TRIM21: variants seen among roughly 807,000 people sequenced by gnomAD.
TRIM21 encodes the protein tripartite motif containing 21.
A neutral mutation model predicts 36.1 loss-of-function variants in TRIM21; 35 were observed. The observed-to-expected ratio is 0.97, with a 90% confidence interval of 0.74 to 1.28. The LOEUF (loss-of-function observed/expected upper bound fraction) is 1.28. Among genes scored for constraint, TRIM21 ranks in the 50% most tolerant of loss-of-function variants. TRIM21 has a pLI of 0.00. For synonymous variants in TRIM21, 256 were observed against 211.5 expected, an observed-to-expected ratio of 1.21 and a Z score of -1.83; for missense variants, 635 against 570.7, an observed-to-expected ratio of 1.11 and a Z score of -1.15.
At chr11:4,387,474 A>C (rs1055330433) in intron 4 of TRIM21, among the ~76,000 whole-genome samples, 8 of 152,248 alleles carry the variant, frequency 5.3e-5, no homozygotes, top group African/African-American at 1.9e-4. Flanking sequence ...TGTGAAACCA[A>C]ATCACTGAGA....
intron 5 of TRIM21, among the ~76,000 whole-genome samples, chr11:4,386,509 T>A (rs2094956471): frequency 2.6e-5 from 4 of 152,224 alleles, no homozygotes; most frequent in Admixed American, 2.6e-4. Context: ...TGAGGTCACC[T>A]GGCAAATGCA....
rs146831060 is a variant in TRIM21, at chr11:4,392,356, C to T, written c.-50+1277G>A. ...CCGAGGTGGGTGGATCACCTTAGGT[C>T]AGGAGTTCAAGACCAGCCTGACCAA... is the stretch of plus-strand genomic sequence containing the variant. On this transcript the variant is annotated intron_variant, in intron 1 of 6. Coordinates refer to ENST00000254436, the MANE Select transcript of TRIM21 (RefSeq NM_003141.4). 2.1e-3 allele frequency among the ~76,000 whole-genome samples: 317 copies of T among 152,236 alleles called. 1 individual carries two copies. The highest frequency in any genetic ancestry group is 7.2e-3 in the African/African-American group (298 of 41,524).
In TRIM21 at chr11:4,388,357, CT is replaced by C. The variant is rs1564810051; in HGVS notation, c.677del (p.Gln226ArgfsTer7). On this transcript the variant is annotated frameshift_variant, in exon 4 of 7. Coordinates refer to ENST00000254436, the MANE Select transcript of TRIM21 (RefSeq NM_003141.4). LOFTEE classifies it high-confidence loss of function. ...AKLAQQSQAL[Q>X]ELISELDRRC... ...TTCGATCTAGCTCTGAGATGAGCTC[CT>C]GTAGGGCCTGGCTCTGCTGGGCCAG... 16 of 1,614,010 alleles carry C rather than the reference CT, an allele frequency of 9.9e-6. No individual in the cohort carries two copies. The highest frequency in any genetic ancestry group is 1.4e-5 in the Non-Finnish European group (16 of 1,179,896).
In TRIM21 at chr11:4,388,573, C is replaced by A. The variant is rs542386261; in HGVS notation, c.505-43G>T. 22 of 1,585,862 alleles carry A rather than the reference C, an allele frequency of 1.4e-5. No homozygotes were observed. The East Asian group carries it at 3.8e-4, about 27-fold the overall frequency. Reference sequence around the variant, plus strand: ...AGGGAGAGGTGGTTTTTATGAAAATCTCCCAAGCTTTGGGAATGGAGGTAT... The same window carrying A: ...AGGGAGAGGTGGTTTTTATGAAAATATCCCAAGCTTTGGGAATGGAGGTAT... On this transcript the variant is annotated intron_variant, in intron 3 of 6. Coordinates refer to ENST00000254436, the MANE Select transcript of TRIM21 (RefSeq NM_003141.4).
In TRIM21 at chr11:4,385,468, A is replaced by C. The variant is rs1383168590; in HGVS notation, c.1245T>G (p.Ala415=). The change falls in exon 7 of 7, where the codon GCT becomes GCG. Residue 415 remains alanine, a synonymous_variant. Transcript: ENST00000254436. ...TGATGTTGTAGAAGGAGACCATGCC[A>C]GCCTCATAGTCCAGGAAAATCCCAA... is the stretch of plus-strand genomic sequence containing the variant. ...CQVGIFLDYE[A]GMVSFYNITD... The C allele has an allele frequency of 6.2e-7, 1 of 1,612,536 alleles. No homozygotes were observed. Among genetic ancestry groups the C allele is most frequent in the South Asian group, 1.1e-5 (1 of 90,708 alleles).
chr11:4,392,730 A>G (rs928915), intron 1 of TRIM21, among the ~76,000 whole-genome samples: 67,940 of 152,014 alleles, frequency 0.45, 15,902 homozygotes, highest in East Asian at 0.58. Flanking sequence ...CCAGTGAGAC[A>G]GAAGGAGAAA....
rs2094966033 is a variant in TRIM21, at chr11:4,393,688, C to G, written c.-105G>C. 2 of 152,436 alleles carry G rather than the reference C, an allele frequency of 1.3e-5. No homozygotes were observed. Among genetic ancestry groups the G allele is most frequent in the South Asian group, 4.1e-4 (2 of 4,834 alleles). 9.4% of individuals were successfully genotyped at this position (152,436 alleles called of 1,614,324 possible). ...CTCCCTATTTCACTTTCAGTTTCCGCTCAGAAGCAAGTCTGAGAGGAAAGG... is the reference window on the plus strand; with the variant it reads ...CTCCCTATTTCACTTTCAGTTTCCGGTCAGAAGCAAGTCTGAGAGGAAAGG... On this transcript the variant is annotated 5_prime_UTR_variant, in exon 1 of 7. Transcript: ENST00000254436.
chr11:4,389,690 C>G lies in TRIM21; in HGVS notation c.468G>C (p.Leu156Phe). The G allele has an allele frequency of 6.2e-7, 1 of 1,613,950 alleles. No individual in the cohort carries two copies. The highest frequency in any genetic ancestry group is 8.5e-7 in the Non-Finnish European group (1 of 1,179,874). The change falls in exon 3 of 7, where the codon TTG becomes TTC. Residue 156 changes from leucine to phenylalanine, a missense_variant. Physicochemically the swap from Leu to Phe is conservative, Grantham distance 22. Transcript: ENST00000254436. ...CTCTCTTTATTGCAATTTCCACTTCCAACTTCTCAGCCAACTCCTGCTTTC... is the reference window on the plus strand; with the variant it reads ...CTCTCTTTATTGCAATTTCCACTTCGAACTTCTCAGCCAACTCCTGCTTTC... ...LRRKQELAEK[L>F]EVEIAIKRAD... is the part of the protein sequence containing the mutation.
At position 4,386,188 on chromosome 11, in the gene TRIM21, T is replaced by C. The variant is rs754702088; in HGVS notation, c.828A>G (p.Pro276=). 1 of 1,613,686 alleles carries C rather than the reference T, an allele frequency of 6.2e-7. No individual in the cohort carries two copies. Among genetic ancestry groups the C allele is most frequent in the Non-Finnish European group, 8.5e-7 (1 of 1,179,874 alleles). Reference sequence around the variant, plus strand: ...ATGTCCTCAGCATCTTCTTCAGCCCTGGCACATGGCACACACTCCTGAGTT... The same window carrying C: ...ATGTCCTCAGCATCTTCTTCAGCCCCGGCACATGGCACACACTCCTGAGTT... ...SPELRSVCHV[P]GLKKMLRTCA... Residue 276 remains proline, a synonymous_variant, in exon 6 of 7, where the codon CCA becomes CCG. Transcript: ENST00000254436.
chr11:4,386,415 A>G (rs2094956403), intron 5 of TRIM21, 158 bp from the exon 6 acceptor site: 2 of 701,556 alleles, frequency 2.9e-6, no homozygotes, highest in East Asian at 2.7e-5. Flanking sequence ...GAGGCAAACA[A>G]TGCAGGATTT....
intron 5 of TRIM21, 39 bp from the exon 6 acceptor site, chr11:4,386,296 C>T: frequency 2.6e-6 from 4 of 1,512,086 alleles, no homozygotes; most frequent in Non-Finnish European, 3.7e-6. Flanking sequence ...TCTCCTACTC[C>T]TATCCCAAAC....
At chr11:4,393,088 A>G (rs950319625) in intron 1 of TRIM21, among the ~76,000 whole-genome samples, 1 of 152,200 alleles carries the variant, frequency 6.6e-6, no homozygotes, top group African/African-American at 2.4e-5. Context: ...AACTTAGTTT[A>G]GTTCCTGACA....
chr11:4,391,291 A>T (rs2094962819), intron 1 of TRIM21, among the ~76,000 whole-genome samples: 1 of 152,272 alleles, frequency 6.6e-6, no homozygotes, highest in Non-Finnish European at 1.5e-5. Context: ...TCTCAAAAGA[A>T]GTCATACAAA....
At chr11:4,389,812 T>C (rs2094960609) in intron 2 of TRIM21, 63 bp from the exon 3 acceptor site, 2 of 1,547,630 alleles carry the variant, frequency 1.3e-6, no homozygotes. Flanking sequence ...GGGTAATCCT[T>C]GCAGCATTTT....
intron 4 of TRIM21, among the ~76,000 whole-genome samples, chr11:4,388,011 G>A (rs1471569812): frequency 6.6e-6 from 1 of 152,174 alleles, no homozygotes; most frequent in Non-Finnish European, 1.5e-5. Context: ...TAGAACAGAA[G>A]GGACTTGTGA....
rs745944056 is a variant in TRIM21, at chr11:4,385,534, G to A, written c.1179C>T (p.Tyr393=). 69 of 1,611,840 alleles carry A rather than the reference G, an allele frequency of 4.3e-5. 1 individual carries two copies. Among genetic ancestry groups the A allele is most frequent in the Non-Finnish European group, 5.7e-5 (67 of 1,178,980 alleles). The change falls in exon 7 of 7, where the codon TAC becomes TAT. Residue 393 remains tyrosine, a synonymous_variant. Transcript: ENST00000254436. ...WNKQKYEAGT[Y]PQTPLHLQVP... is the part of the protein sequence containing the mutation. The stretch of plus-strand genomic sequence containing the variant: ...CCTGAAGGTGGAGGGGAGTCTGGGG[G>A]TAGGTGCCAGCCTCATATTTTTGTT...
intron 4 of TRIM21, 111 bp from the exon 5 acceptor site, chr11:4,387,101 C>T: frequency 9.1e-7 from 1 of 1,101,702 alleles, no homozygotes. Context: ...TGTTCCTCTC[C>T]TTCCTCTGGT....
chr11:4,389,781 T>G (rs757330576), intron 2 of TRIM21, 32 bp from the exon 3 acceptor site: 4 of 1,600,522 alleles, frequency 2.5e-6, no homozygotes, highest in Non-Finnish European at 3.4e-6. Context: ...TCGTCCCCCA[T>G]GCAAACCAAG....
At position 4,387,517 on chromosome 11, in the gene TRIM21, A is replaced by C. The variant is rs193182757; in HGVS notation, c.736-527T>G. On this transcript the variant is annotated intron_variant, in intron 4 of 6. Transcript: ENST00000254436. The stretch of plus-strand genomic sequence containing the variant: ...TGTCGTAGGGATTAGGCGCCATTAC[A>C]TGGGAGCTAGCAGGCTCCTAGACTC... Among the ~76,000 whole-genome samples, 637 of 152,298 alleles carry C rather than the reference A, an allele frequency of 4.2e-3. 2 individuals carry two copies. The highest frequency in any genetic ancestry group is 5.9e-3 in the Admixed American group (90 of 15,296).
Sources: gnomAD v4.1 joint callset for allele counts (sites outside exome capture counted in the v4.1 genomes callset) on GRCh38, gnomAD v4.1.1 for gene constraint, MANE v1.5 for transcripts, NCBI Gene and HGNC (gene_info 2026-07-23, HGNC 2026-07-21) for gene names.